The following HSPA4 variants were observed in gnomAD, a reference collection of about 807,000 sequenced individuals.
The protein encoded by HSPA4 is heat shock 70 kDa protein 4.
Under a neutral mutation model 106.2 loss-of-function variants are expected in HSPA4, and 25 were observed. That is an observed-to-expected ratio of 0.24 (90% CI 0.17 to 0.33). The LOEUF is 0.33. Ranked by LOEUF, HSPA4 falls within the 10% of genes least tolerant of loss-of-function variation. The probability of loss-of-function intolerance (pLI) is 1.00; values close to 1 mark genes in which losing one functional copy is unlikely to be tolerated. For missense variants in HSPA4, 841 were observed against 996.0 expected (o/e 0.84, Z 2.10); for synonymous variants, 332 against 333.6 (o/e 1.00, Z 0.05).
At chr5:133,079,533 C>A (rs879853667) in intron 7 of HSPA4, among the ~76,000 whole-genome samples, 1 of 152,050 alleles carries the variant, frequency 6.6e-6, no homozygotes, top group East Asian at 1.9e-4. Context: ...TTCATCCATT[C>A]GTTTGCTGAT....
intron 4 of HSPA4, among the ~76,000 whole-genome samples, chr5:133,072,389 G>GTTTTTT (rs1561579032): frequency 9.7e-5 from 10 of 103,226 alleles, no homozygotes; most frequent in South Asian, 6.4e-4. Flanking sequence ...CTGGTCCAGG[G>GTTTTTT]TTGTTTTTTT....
intron 1 of HSPA4, among the ~76,000 whole-genome samples, chr5:133,064,721 G>A (rs1765287164): frequency 6.6e-6 from 1 of 152,090 alleles, no homozygotes; most frequent in African/African-American, 2.4e-5. Context: ...GGATGGTAGA[G>A]ACTGTCTAGC....
chr5:133,092,250 C>A (rs914699072), intron 12 of HSPA4, among the ~76,000 whole-genome samples: 2 of 152,128 alleles, frequency 1.3e-5, no homozygotes, highest in Non-Finnish European at 2.9e-5. Flanking sequence ...TGTTCGCCTC[C>A]CCGAGCACAT....
Position 133,104,037 on chromosome 5 carries a change from AC to A in HSPA4, c.2319+12del, listed in dbSNP as rs2126719363. On this transcript the variant is annotated intron_variant, in intron 18 of 18. Coordinates refer to ENST00000304858, the MANE Select transcript of HSPA4 (RefSeq NM_002154.4). Reference sequence around the variant, plus strand: ...GAAGCTAAAATTAAGGTAATTTAAGACTTTTTTTTAATAGTCTTTTCTTGAC... The same window carrying A: ...GAAGCTAAAATTAAGGTAATTTAAGATTTTTTTTAATAGTCTTTTCTTGAC... 6.2e-7 allele frequency: 1 copy of A among 1,602,702 alleles called. No homozygotes were observed. Among genetic ancestry groups the A allele is most frequent in the Non-Finnish European group, 8.5e-7 (1 of 1,173,124 alleles).
chr5:133,080,211 C>T (rs985388595), intron 7 of HSPA4, among the ~76,000 whole-genome samples: 4 of 151,018 alleles, frequency 2.6e-5, no homozygotes, highest in South Asian at 2.1e-4. Context: ...CTCAGGAGTT[C>T]GAGACCAGCC....
chr5:133,058,861 C>T (rs934754418), intron 1 of HSPA4, among the ~76,000 whole-genome samples: 1 of 151,840 alleles, frequency 6.6e-6, no homozygotes, highest in African/African-American at 2.4e-5. Flanking sequence ...GGTGTGGTGG[C>T]TCACACCTGT....
intron 6 of HSPA4, among the ~76,000 whole-genome samples, chr5:133,076,436 T>A (rs947020240): frequency 1.3e-5 from 2 of 152,252 alleles, no homozygotes; most frequent in South Asian, 4.1e-4. Context: ...TTATCTCATC[T>A]GTCTAGGTCT....
rs70974072 is a variant in HSPA4 at position 133,106,102 on chromosome 5, ATTTTTTTTTTTTTTTTTTTT to A, written c.*1685_*1704del. The stretch of plus-strand genomic sequence containing the variant: ...GCCATTTCTTCTTAAAAAAAAAAAA[ATTTTTTTTTTTTTTTTTTTT>A]TTTTTTTTTTTTTTTTTTGGTGTGT... On this transcript the variant is annotated 3_prime_UTR_variant, in exon 19 of 19. Transcript: ENST00000304858. The A allele has an allele frequency of 7.9e-4, 45 of 57,166 alleles. 1 individual carries two copies. Among genetic ancestry groups the A allele is most frequent in the Admixed American group, 4.0e-3 (15 of 3,710 alleles). The allele number at this position is 57,166 out of a possible 1,614,324, so 3.5% of individuals were successfully genotyped here. A position where few individuals can be genotyped will look rare whatever the true frequency, so the allele number is the denominator to read the frequency against.
In HSPA4 at chr5:133,052,182, C is replaced by G; in HGVS notation, c.-69C>G. The stretch of plus-strand genomic sequence containing the variant: ...AAGAGGCCTGCTTTCCACTCGCTAG[C>G]CCCGCCGGGGGTCCGTGTCCTGTCT... On this transcript the variant is annotated 5_prime_UTR_variant, in exon 1 of 19. Transcript: ENST00000304858. 1 of 1,108,556 alleles carries G rather than the reference C, an allele frequency of 9.0e-7. No homozygotes were observed. The highest frequency in any genetic ancestry group is 1.3e-6 in the Non-Finnish European group (1 of 761,414). 68.7% of individuals were successfully genotyped at this position (1,108,556 alleles called of 1,614,324 possible).
rs70974072 is a variant in HSPA4, at chr5:133,106,102, ATTTTTTTT to A, written c.*1697_*1704del. On this transcript the variant is annotated 3_prime_UTR_variant, in exon 19 of 19. Coordinates refer to ENST00000304858, the MANE Select transcript of HSPA4 (RefSeq NM_002154.4). ...GCCATTTCTTCTTAAAAAAAAAAAAATTTTTTTTTTTTTTTTTTTTTTTTTTTTTTTTT... is the reference window on the plus strand; with the variant it reads ...GCCATTTCTTCTTAAAAAAAAAAAAATTTTTTTTTTTTTTTTTTTTTTTTT... 95 of 57,120 alleles carry A rather than the reference ATTTTTTTT, an allele frequency of 1.7e-3. 2 individuals are homozygous for A. Among genetic ancestry groups the A allele is most frequent in the South Asian group, 3.5e-3 (5 of 1,440 alleles). 3.5% of individuals were successfully genotyped at this position (57,120 alleles called of 1,614,324 possible).
intron 8 of HSPA4, among the ~76,000 whole-genome samples, chr5:133,087,594 G>A (rs1581476581): frequency 6.6e-6 from 1 of 152,118 alleles, no homozygotes; most frequent in African/African-American, 2.4e-5. Context: ...TTTCTGATAC[G>A]AAGAAACTGT....
chr5:133,068,295 T>C (rs956372201), intron 3 of HSPA4, among the ~76,000 whole-genome samples: 8 of 152,190 alleles, frequency 5.3e-5, no homozygotes, highest in Admixed American at 2.0e-4. Flanking sequence ...GTTTGGTCTT[T>C]ATCTCTGGTA....
chr5:133,052,222 G>A lies in HSPA4; in HGVS notation c.-29G>A. 2 of 1,506,852 alleles carry A rather than the reference G, an allele frequency of 1.3e-6. No individual in the cohort carries two copies. Among genetic ancestry groups the A allele is most frequent in the South Asian group, 1.2e-5 (1 of 84,828 alleles). 93.3% of individuals were successfully genotyped at this position (1,506,852 alleles called of 1,614,324 possible). On this transcript the variant is annotated 5_prime_UTR_variant, in exon 1 of 19. Transcript: ENST00000304858. The stretch of plus-strand genomic sequence containing the variant: ...GTGTCCTGTCTCGGTGGCCGGACCC[G>A]GGCCCGAGCCCGAGCAGTAGCCGGC...
chr5:133,066,622 C>A (rs933427563), intron 2 of HSPA4, among the ~76,000 whole-genome samples: 1 of 151,874 alleles, frequency 6.6e-6, no homozygotes, highest in African/African-American at 2.4e-5. Flanking sequence ...TCTGCTACTA[C>A]AAATAATACT....
intron 16 of HSPA4, among the ~76,000 whole-genome samples, chr5:133,101,334 G>T (rs1039437738): frequency 6.6e-6 from 1 of 152,082 alleles, no homozygotes; most frequent in African/African-American, 2.4e-5. Context: ...CCTCTAGTTG[G>T]ATTTTGCTGA....
At chr5:133,052,387 C>T (rs772552985) in intron 1 of HSPA4, 30 bp downstream of exon 1, 1 of 1,381,646 alleles carries the variant, frequency 7.2e-7, no homozygotes, top group Non-Finnish European at 9.9e-7. Context: ...GCCGCGTGCA[C>T]TGGGGTTAGG....
At position 133,076,844 on chromosome 5, in the gene HSPA4, C is replaced by A. The variant is rs370815689; in HGVS notation, c.854C>A (p.Pro285His). The change falls in exon 7 of 19, where the codon CCT becomes CAT. Residue 285 changes from proline (P) to histidine (H), a missense_variant. By Grantham distance (77) the Pro-to-His change is moderately conservative. Transcript: ENST00000304858. ...ATGAGTGCAAATGCTTCAGATCTCC[C>A]TTTGAGCATTGAATGTTTTATGAAT... ...KLMSANASDL[P>H]LSIECFMNDV... 1 of 1,610,086 alleles carries A rather than the reference C, an allele frequency of 6.2e-7. No homozygotes were observed. Among genetic ancestry groups the A allele is most frequent in the Non-Finnish European group, 8.5e-7 (1 of 1,176,456 alleles).
At chr5:133,100,700 C>A (rs28548389) in intron 16 of HSPA4, among the ~76,000 whole-genome samples, 55,931 of 152,072 alleles carry the variant, frequency 0.37, 12,501 homozygotes, top group African/African-American at 0.63. Context: ...TAGGATTAAA[C>A]ATGAAAGAAT....
intron 17 of HSPA4, among the ~76,000 whole-genome samples, chr5:133,102,347 T>C (rs1765795835): frequency 6.6e-6 from 1 of 152,252 alleles, no homozygotes; most frequent in South Asian, 2.1e-4. Context: ...TATAGCGTCT[T>C]AATAAGAACC....
Sources: gnomAD v4.1 joint callset for allele counts (sites outside exome capture counted in the v4.1 genomes callset) on GRCh38, gnomAD v4.1.1 for gene constraint, MANE v1.5 for transcripts, NCBI Gene and HGNC (gene_info 2026-07-23, HGNC 2026-07-21) for gene names.